The following CPVL variants were observed in gnomAD, a reference collection of about 807,000 sequenced individuals.
CPVL encodes probable serine carboxypeptidase CPVL.
In CPVL, 51 loss-of-function variants were observed where a neutral mutation model predicts 63.7. That is an observed-to-expected ratio of 0.80 (90% CI 0.64 to 1.01). The LOEUF (loss-of-function observed/expected upper bound fraction) is 1.01. Ranked by LOEUF, CPVL falls within the 50% of genes least tolerant of loss-of-function variation. CPVL has a pLI of 0.00. For missense variants in CPVL, 530 were observed against 573.1 expected (o/e 0.92, Z 0.77); for synonymous variants, 195 against 206.0 (o/e 0.95, Z 0.46).
chr7:29,121,702 G>T (rs556079777), intron 1 of CPVL, among the ~76,000 whole-genome samples: 11 of 152,254 alleles, frequency 7.2e-5, no homozygotes, highest in African/African-American at 2.4e-4. Flanking sequence ...ATCATGGGTG[G>T]GTGGAAACAG....
chr7:29,054,129 T>C (rs1453158296), intron 11 of CPVL, among the ~76,000 whole-genome samples: 2 of 152,094 alleles, frequency 1.3e-5, no homozygotes, highest in Non-Finnish European at 1.5e-5. Context: ...ACCCTTTACA[T>C]AGCCTTAACA....
intron 12 of CPVL, among the ~76,000 whole-genome samples, chr7:29,015,515 C>T (rs780479150): frequency 3.9e-5 from 6 of 152,166 alleles, no homozygotes; most frequent in Non-Finnish European, 7.3e-5. Context: ...GGCATCTCCC[C>T]GGCTAGCTCT....
intron 5 of CPVL, among the ~76,000 whole-genome samples, chr7:29,165,913 C>G (rs1795844905): frequency 6.6e-6 from 1 of 152,148 alleles, no homozygotes; most frequent in Non-Finnish European, 1.5e-5. Flanking sequence ...AATTTATAAA[C>G]AGTGTTTGTC....
At chr7:29,123,281 T>C (rs895056140) in intron 1 of CPVL, among the ~76,000 whole-genome samples, 26 of 152,120 alleles carry the variant, frequency 1.7e-4, no homozygotes, top group Admixed American at 1.1e-3. Context: ...TTTATAATTA[T>C]AATGTGATTG....
At chr7:29,170,157 G>T (rs1433850936) in intron 5 of CPVL, among the ~76,000 whole-genome samples, 1 of 152,118 alleles carries the variant, frequency 6.6e-6, no homozygotes, top group Admixed American at 6.6e-5. Context: ...GGTGGAGGGG[G>T]ATTCCCTGAG....
intron 7 of CPVL, among the ~76,000 whole-genome samples, chr7:29,073,958 A>G (rs1360291869): frequency 2.6e-5 from 4 of 152,236 alleles, no homozygotes; most frequent in African/African-American, 7.2e-5. Context: ...CTGTGAGTTC[A>G]CAGACCCTTC....
At chr7:29,112,937 T>G (rs2128631500) in intron 2 of CPVL, 115 bp from the exon 3 acceptor site, 1 of 707,004 alleles carries the variant, frequency 1.4e-6, no homozygotes, top group South Asian at 1.7e-5. Context: ...AAAAGGGAAC[T>G]GGTATGACAG....
chr7:29,142,925 TC>T (rs1792056511), intron 1 of CPVL, among the ~76,000 whole-genome samples: 1 of 152,140 alleles, frequency 6.6e-6, no homozygotes, highest in Non-Finnish European at 1.5e-5. Flanking sequence ...CTATTCTACT[TC>T]CTTTTTTCTC....
chr7:29,035,670 T>C (rs1363666976), intron 11 of CPVL, among the ~76,000 whole-genome samples: 1 of 152,206 alleles, frequency 6.6e-6, no homozygotes, highest in Non-Finnish European at 1.5e-5. Flanking sequence ...GCACAGTGCC[T>C]GGTACCCCAT....
intron 11 of CPVL, among the ~76,000 whole-genome samples, chr7:29,052,668 G>C (rs1775204306): frequency 6.6e-6 from 1 of 152,176 alleles, no homozygotes; most frequent in Non-Finnish European, 1.5e-5. Flanking sequence ...CCAGCACTTT[G>C]GGAGGTCGAG....
intron 3 of CPVL, among the ~76,000 whole-genome samples, chr7:29,105,528 G>T (rs1475037515): frequency 1.3e-5 from 2 of 152,180 alleles, no homozygotes; most frequent in Non-Finnish European, 2.9e-5. Flanking sequence ...TCTATTACTC[G>T]TTCCTTAGGC....
chr7:29,016,847 C>A (rs1032742697), intron 12 of CPVL, among the ~76,000 whole-genome samples: 1 of 152,178 alleles, frequency 6.6e-6, no homozygotes, highest in East Asian at 1.9e-4. Flanking sequence ...TTCCCCACGA[C>A]CTCTATTTCA....
upstream of CPVL, chr7:29,148,449 A>G (rs573694600): frequency 2.6e-5 from 4 of 152,338 alleles, no homozygotes; most frequent in South Asian, 2.1e-4. Flanking sequence ...ATTTAACACT[A>G]TTTATCTCTG....
chr7:29,021,174 G>T (rs1052720452), intron 12 of CPVL, among the ~76,000 whole-genome samples: 1 of 151,506 alleles, frequency 6.6e-6, no homozygotes, highest in Non-Finnish European at 1.5e-5. Context: ...AAAAAAAAAA[G>T]ATGATGTTAT....
At chr7:29,098,629 C>T (rs1786709634) in intron 3 of CPVL, among the ~76,000 whole-genome samples, 3 of 152,288 alleles carry the variant, frequency 2.0e-5, no homozygotes, top group East Asian at 1.9e-4. Context: ...CAGGGGTCAG[C>T]GCGGTATTAT....
chr7:29,006,179 G>A (rs1477618099), intron 12 of CPVL, among the ~76,000 whole-genome samples: 1 of 152,208 alleles, frequency 6.6e-6, no homozygotes, highest in Admixed American at 6.5e-5. Context: ...GTGGTGTGAA[G>A]TTGGTAGCTT....
intron 11 of CPVL, among the ~76,000 whole-genome samples, chr7:29,052,382 G>A (rs1386035041): frequency 2.1e-5 from 3 of 144,442 alleles, no homozygotes; most frequent in Non-Finnish European, 4.5e-5. Context: ...TAACCAACTC[G>A]AGTATTAGTT....
chr7:29,130,936 G>A (rs245860), intron 1 of CPVL, among the ~76,000 whole-genome samples: 137,681 of 152,278 alleles, frequency 0.9, 62,447 homozygotes, highest in East Asian at 1. Context: ...TTCAGTTTCA[G>A]AAATTACTTT....
At chr7:29,106,218 C>T (rs1203509694) in intron 3 of CPVL, among the ~76,000 whole-genome samples, 1 of 152,112 alleles carries the variant, frequency 6.6e-6, no homozygotes, top group Non-Finnish European at 1.5e-5. Flanking sequence ...ACACGGTGTC[C>T]ACACTGGGAG....
Sources: gnomAD v4.1 joint callset for allele counts (sites outside exome capture counted in the v4.1 genomes callset) on GRCh38, gnomAD v4.1.1 for gene constraint, MANE v1.5 for transcripts, NCBI Gene and HGNC (gene_info 2026-07-23, HGNC 2026-07-21) for gene names.